The following CAVIN1 variants were observed in gnomAD, a reference collection of about 807,000 sequenced individuals.
CAVIN1 encodes caveolae associated protein 1.
A neutral mutation model predicts 24.0 loss-of-function variants in CAVIN1; 16 were observed. The observed-to-expected ratio is 0.67, with a 90% confidence interval of 0.45 to 1.01. The LOEUF is 1.01. Among genes scored for constraint, CAVIN1 ranks in the 50% least tolerant of loss-of-function variants. The pLI, the probability that CAVIN1 is intolerant of heterozygous loss-of-function variation, is 0.00. For synonymous variants in CAVIN1, 256 were observed against 256.4 expected (o/e 1.00, Z 0.02); for missense variants, 510 against 551.7 (o/e 0.92, Z 0.76).
intron 1 of CAVIN1, among the ~76,000 whole-genome samples, chr17:42,413,451 C>T (rs1289975307): frequency 6.6e-6 from 1 of 151,040 alleles, no homozygotes; most frequent in Non-Finnish European, 1.5e-5. Flanking sequence ...TTCAGCTACT[C>T]GGGAGGCTGA....
At chr17:42,406,218 C>T (rs1363264217) in intron 1 of CAVIN1, among the ~76,000 whole-genome samples, 1 of 152,136 alleles carries the variant, frequency 6.6e-6, no homozygotes, top group Non-Finnish European at 1.5e-5. Flanking sequence ...GCGGAGCGCC[C>T]TCTGGTGCCG....
At chr17:42,414,045 G>A (rs2085497533) in intron 1 of CAVIN1, among the ~76,000 whole-genome samples, 1 of 152,110 alleles carries the variant, frequency 6.6e-6, no homozygotes, top group Non-Finnish European at 1.5e-5. Context: ...TTACAGGTGT[G>A]TGCCACCATG....
chr17:42,405,229 C>T lies in CAVIN1; in HGVS notation c.631G>A (p.Glu211Lys). The change falls in exon 2 of 2, where the codon GAG becomes AAG. Residue 211 changes from glutamate to lysine, a missense_variant. Physicochemically the swap from Glu to Lys is moderately conservative, Grantham distance 56. Coordinates refer to ENST00000357037, the MANE Select transcript of CAVIN1 (RefSeq NM_012232.6). ...LSSDEAVEVE[E>K]VIEESRAERI... ...TCTGCGCGGGACTCCTCAATAACCT[C>T]CTCAACCTCCACCGCCTCGTCCGAC... 1 of 1,613,940 alleles carries T rather than the reference C, an allele frequency of 6.2e-7. No individual in the cohort carries two copies. Among genetic ancestry groups the T allele is most frequent in the Non-Finnish European group, 8.5e-7 (1 of 1,179,962 alleles).
intron 1 of CAVIN1, 110 bp from the exon 2 acceptor site, chr17:42,405,498 G>C: frequency 2.6e-6 from 3 of 1,165,676 alleles, no homozygotes; most frequent in Non-Finnish European, 3.8e-6. Flanking sequence ...GACGCTCGTG[G>C]TCCCCAGGAA....
At position 42,423,169 on chromosome 17, in the gene CAVIN1, A is replaced by G; in HGVS notation, c.-72T>C. 8.2e-7 allele frequency: 1 copy of G among 1,222,186 alleles called. No individual in the cohort carries two copies. The highest frequency in any genetic ancestry group is 1.1e-6 in the Non-Finnish European group (1 of 884,576). The allele number at this position is 1,222,186 out of a possible 1,614,324, so 75.7% of individuals were successfully genotyped here. ...AGCGGGAGACCCGGAGAGAAGCAGG[A>G]GCGGAAGGGAGGAGAGCTAGCGGGC... On this transcript the variant is annotated 5_prime_UTR_variant, in exon 1 of 2. Transcript: ENST00000357037.
chr17:42,412,014 C>A (rs1368525329), intron 1 of CAVIN1: 1 of 985,280 alleles, frequency 1.0e-6, no homozygotes, highest in African/African-American at 1.7e-5. Flanking sequence ...AAGAGATACC[C>A]CACGCCCACA....
At chr17:42,418,971 T>C (rs1434095242) in intron 1 of CAVIN1, among the ~76,000 whole-genome samples, 2 of 152,142 alleles carry the variant, frequency 1.3e-5, no homozygotes, top group African/African-American at 4.8e-5. Context: ...ACAGGAGAAC[T>C]GTTTGAACCC....
In CAVIN1 at chr17:42,423,076, T is replaced by G; in HGVS notation, c.22A>C (p.Ile8Leu). 2 of 1,595,238 alleles carry G rather than the reference T, an allele frequency of 1.3e-6. No homozygotes were observed. The highest frequency in any genetic ancestry group is 2.2e-5 in the South Asian group (2 of 89,314). ...TACCCGGGAAGCGGCCGCTCGACAA[T>G]ATAGAGCGTGGGGTCCTCCATGGCT... Reference protein sequence around the residue: MEDPTLYIVERPLPGYPD... With the variant: MEDPTLYLVERPLPGYPD... Residue 8 changes from isoleucine (I) to leucine (L), a missense_variant, in exon 1 of 2, where the codon ATT becomes CTT. By Grantham distance (5) the Ile-to-Leu change is conservative (BLOSUM62 2). Coordinates refer to ENST00000357037, the MANE Select transcript of CAVIN1 (RefSeq NM_012232.6).
At chr17:42,414,909 C>T (rs1050944881) in intron 1 of CAVIN1, among the ~76,000 whole-genome samples, 9 of 150,718 alleles carry the variant, frequency 6.0e-5, no homozygotes, top group African/African-American at 1.7e-4. Context: ...TCCTCCCCTA[C>T]GCCCCTCCCC....
chr17:42,416,085 A>G (rs1192487731), intron 1 of CAVIN1, among the ~76,000 whole-genome samples: 1 of 152,184 alleles, frequency 6.6e-6, no homozygotes, highest in East Asian at 1.9e-4. Context: ...AAAAACATTT[A>G]GGCTGAGCAC....
chr17:42,410,747 A>AC (rs1426660490), intron 1 of CAVIN1, among the ~76,000 whole-genome samples: 2 of 151,774 alleles, frequency 1.3e-5, no homozygotes, highest in South Asian at 4.2e-4. Flanking sequence ...CTCCGTCTCT[A>AC]CTAAAAATAC....
chr17:42,423,010 G>C lies in CAVIN1; in HGVS notation c.88C>G (p.Gln30Glu). 1 of 1,612,844 alleles carries C rather than the reference G, an allele frequency of 6.2e-7. No homozygotes were observed. The highest frequency in any genetic ancestry group is 8.5e-7 in the Non-Finnish European group (1 of 1,179,724). Residue 30 changes from glutamine to glutamate, a missense_variant, in exon 1 of 2, where the codon CAG becomes GAG. Transcript: ENST00000357037. ...GCCCCCGACGGCTCCTCCGCTGCCT[G>C]AGCCCCAGCGGAGGAAGGCTCCGGG... ...EAPEPSSAGA[Q>E]AAEEPSGAGS... is the part of the protein sequence containing the mutation.
In CAVIN1 at chr17:42,423,036, G is replaced by A. The variant is rs761398878; in HGVS notation, c.62C>T (p.Ala21Val). The change falls in exon 1 of 2, where the codon GCC (alanine) becomes GTC (valine). Residue 21 changes from alanine (A) to valine (V), a missense_variant. Coordinates refer to ENST00000357037, the MANE Select transcript of CAVIN1 (RefSeq NM_012232.6). ...AGCCCCAGCGGAGGAAGGCTCCGGG[G>A]CCTCGGCGTCGGGGTACCCGGGAAG... ...RPLPGYPDAE[A>V]PEPSSAGAQA... 33 of 1,611,258 alleles carry A rather than the reference G, an allele frequency of 2.0e-5. No individual in the cohort carries two copies. Among genetic ancestry groups the A allele is most frequent in the Non-Finnish European group, 2.7e-5 (32 of 1,179,226 alleles).
intron 1 of CAVIN1, among the ~76,000 whole-genome samples, chr17:42,407,019 G>A (rs1206456629): frequency 1.3e-5 from 2 of 152,036 alleles, no homozygotes; most frequent in African/African-American, 4.8e-5. Flanking sequence ...CATGACCCTG[G>A]AGCTCAGAAC....
intron 1 of CAVIN1, among the ~76,000 whole-genome samples, chr17:42,418,663 A>G (rs1228141275): frequency 6.6e-6 from 1 of 152,218 alleles, no homozygotes; most frequent in Non-Finnish European, 1.5e-5. Flanking sequence ...TCAGTAGCAC[A>G]ATAGGGTGAT....
chr17:42,418,818 G>A (rs780382737), intron 1 of CAVIN1, among the ~76,000 whole-genome samples: 11 of 152,058 alleles, frequency 7.2e-5, no homozygotes, highest in Non-Finnish European at 1.3e-4. Flanking sequence ...TACTTGTCTC[G>A]AAATATCACA....
At position 42,405,214 on chromosome 17, in the gene CAVIN1, ACTC is replaced by A. The variant is rs764282673; in HGVS notation, c.643_645del (p.Glu215del). The A allele has an allele frequency of 2.5e-6, 4 of 1,612,696 alleles. No individual in the cohort carries two copies. Among genetic ancestry groups the A allele is most frequent in the Non-Finnish European group, 3.4e-6 (4 of 1,179,686 alleles). On this transcript the variant is annotated inframe_deletion, in exon 2 of 2. Coordinates refer to ENST00000357037, the MANE Select transcript of CAVIN1 (RefSeq NM_012232.6). ...CTGCGCTTGATACGCTCTGCGCGGG[ACTC>A]CTCAATAACCTCCTCAACCTCCACC...
At chr17:42,418,520 C>T (rs1209162438) in intron 1 of CAVIN1, among the ~76,000 whole-genome samples, 1 of 152,092 alleles carries the variant, frequency 6.6e-6, no homozygotes, top group Non-Finnish European at 1.5e-5. Flanking sequence ...TGTGAGCCAC[C>T]GCGCCCAGCC....
intron 1 of CAVIN1, among the ~76,000 whole-genome samples, chr17:42,420,120 G>C (rs1229899614): frequency 1.3e-5 from 2 of 151,640 alleles, no homozygotes; most frequent in Non-Finnish European, 2.9e-5. Flanking sequence ...TCCCACCCCT[G>C]TAGTGGGGAA....
Sources: allele counts gnomAD v4.1 joint callset (sites outside exome capture counted in the v4.1 genomes callset), GRCh38; gene constraint gnomAD v4.1.1; transcripts MANE v1.5; gene names NCBI Gene and HGNC (gene_info 2026-07-23, HGNC 2026-07-21).